Variants in CCDC77 observed in about 807,000 individuals in gnomAD.
The protein encoded by CCDC77 is coiled-coil domain-containing protein 77.
Under a neutral mutation model 66.8 loss-of-function variants are expected in CCDC77, and 56 were observed. That is an observed-to-expected ratio of 0.84 (90% CI 0.68 to 1.05). The LOEUF (loss-of-function observed/expected upper bound fraction) is 1.05, where lower values mean the gene tolerates loss of function less well. Ranked by LOEUF, CCDC77 falls within the 50% of genes least tolerant of loss-of-function variation. The pLI is 0.00. For missense variants in CCDC77, 570 were observed against 576.8 expected, an observed-to-expected ratio of 0.99 and a Z score of 0.12; for synonymous variants, 196 against 195.2, an observed-to-expected ratio of 1.00 and a Z score of -0.03.
intron 10 of CCDC77, 44 bp from the exon 11 acceptor site, chr12:440,573 T>C: frequency 6.2e-7 from 1 of 1,605,866 alleles, no homozygotes; most frequent in Non-Finnish European, 8.5e-7. Context: ...ATTACCTGAA[T>C]TGTAGAACTG....
chr12:412,880 C>T (rs1180670647), intron 4 of CCDC77, among the ~76,000 whole-genome samples: 1 of 152,180 alleles, frequency 6.6e-6, no homozygotes, highest in Non-Finnish European at 1.5e-5. Flanking sequence ...CTGCCATCTG[C>T]ACACCGTTAC....
At chr12:425,708 G>A (rs1257257182) in intron 5 of CCDC77, among the ~76,000 whole-genome samples, 2 of 152,062 alleles carry the variant, frequency 1.3e-5, no homozygotes, top group African/African-American at 4.8e-5. Flanking sequence ...CATGTGCTTC[G>A]TAAGGTTCAT....
At chr12:407,519 AG>A (rs1284431778) in intron 2 of CCDC77, among the ~76,000 whole-genome samples, 1 of 152,152 alleles carries the variant, frequency 6.6e-6, no homozygotes, top group African/African-American at 2.4e-5. Flanking sequence ...GTAAGGACTG[AG>A]GCATCAATTT....
chr12:399,258 G>A (rs1388747641), upstream of CCDC77, among the ~76,000 whole-genome samples: 3 of 151,468 alleles, frequency 2.0e-5, no homozygotes, highest in East Asian at 3.9e-4. Context: ...TGAAACCTCC[G>A]CCTCCCAGGT....
intron 2 of CCDC77, among the ~76,000 whole-genome samples, chr12:408,304 A>G (rs1400016514): frequency 6.6e-6 from 1 of 152,200 alleles, no homozygotes; most frequent in Non-Finnish European, 1.5e-5. Flanking sequence ...GTTTATCTTC[A>G]TGAAAATTTC....
chr12:394,831 A>G (rs1944805697), intron 1 of CCDC77, among the ~76,000 whole-genome samples: 1 of 152,234 alleles, frequency 6.6e-6, no homozygotes, highest in Admixed American at 6.5e-5. Context: ...TTATACATGC[A>G]TTCAACATTT....
chr12:391,409 C>T (rs779456760), intron 1 of CCDC77, among the ~76,000 whole-genome samples: 7 of 151,760 alleles, frequency 4.6e-5, no homozygotes, highest in Admixed American at 3.9e-4. Context: ...AAGCCGAGAT[C>T]GTGCCACTGT....
In CCDC77 at chr12:418,458, G is replaced by A. The variant is rs200889895; in HGVS notation, c.271-36G>A. The stretch of plus-strand genomic sequence containing the variant: ...GTGAGAGATACTCCATTGAAACCCA[G>A]TGTCTTTCAACTATCTTATTGTGGT... On this transcript the variant is annotated intron_variant, in intron 4 of 12. Coordinates refer to ENST00000239830, the MANE Select transcript of CCDC77 (RefSeq NM_032358.4). The A allele has an allele frequency of 1.1e-5, 17 of 1,600,814 alleles. No individual in the cohort carries two copies. The Admixed American group carries it at 2.8e-4, about 27-fold the overall frequency.
intron 4 of CCDC77, among the ~76,000 whole-genome samples, chr12:417,309 T>A (rs887113632): frequency 2.0e-5 from 3 of 152,150 alleles, no homozygotes; most frequent in Non-Finnish European, 4.4e-5. Context: ...TCATGGTTCT[T>A]ATTTACAGTT....
At chr12:434,327 C>T (rs1054565433) in intron 9 of CCDC77, among the ~76,000 whole-genome samples, 8 of 151,658 alleles carry the variant, frequency 5.3e-5, no homozygotes, top group Non-Finnish European at 1.2e-4. Context: ...GTTCTGGGGT[C>T]ACCATTGACC....
At chr12:435,560 T>G (rs1945735456) in intron 9 of CCDC77, among the ~76,000 whole-genome samples, 1 of 152,264 alleles carries the variant, frequency 6.6e-6, no homozygotes, top group Non-Finnish European at 1.5e-5. Flanking sequence ...AAAGCAAAGC[T>G]GTTTTTGATA....
At chr12:406,397 G>A (rs1944991407) in intron 2 of CCDC77, among the ~76,000 whole-genome samples, 1 of 152,220 alleles carries the variant, frequency 6.6e-6, no homozygotes. Context: ...CTCTGAAGTA[G>A]AAGTGTGCCT....
chr12:410,391 C>G (rs1026999521), intron 3 of CCDC77, among the ~76,000 whole-genome samples: 1 of 152,132 alleles, frequency 6.6e-6, no homozygotes, highest in Admixed American at 6.5e-5. Flanking sequence ...CCTCAGCCTC[C>G]CGAGTAGCTG....
intron 1 of CCDC77, among the ~76,000 whole-genome samples, chr12:404,843 C>A (rs1944963383): frequency 6.6e-6 from 1 of 151,576 alleles, no homozygotes; most frequent in Admixed American, 6.6e-5. Context: ...CTGCCTCAGT[C>A]TCCTGAGTAG....
At position 428,889 on chromosome 12, in the gene CCDC77, G is replaced by C. The variant is rs781282189; in HGVS notation, c.510+24G>C. 3 of 1,472,012 alleles carry C rather than the reference G, an allele frequency of 2.0e-6. No homozygotes were observed. The African/African-American group carries it at 4.2e-5, about 21-fold the overall frequency. 91.2% of individuals were successfully genotyped at this position (1,472,012 alleles called of 1,614,324 possible). A position where few individuals can be genotyped will look rare whatever the true frequency, so the allele number is the denominator to read the frequency against. On this transcript the variant is annotated intron_variant, in intron 6 of 12. Transcript: ENST00000239830. ...AAGTAAGTAATCTTTGGTGTAGCAT[G>C]GTGAGTGTGGCTTTACAAGTCACAG... is the stretch of plus-strand genomic sequence containing the variant.
At chr12:419,538 C>T (rs1317454602) in intron 5 of CCDC77, among the ~76,000 whole-genome samples, 1 of 49,706 alleles carries the variant, frequency 2.0e-5, no homozygotes, top group Non-Finnish European at 4.1e-5. Context: ...AGGGTAAACA[C>T]ACATAGCAGC....
rs143503142 is a variant in CCDC77 at position 425,444 on chromosome 12, C to T, written c.414-3325C>T. Among the ~76,000 whole-genome samples the T allele has an allele frequency of 4.7e-4, 72 of 151,968 alleles. 1 individual carries two copies. In the East Asian group the frequency reaches 6.8e-3, roughly 14 times the overall value. On this transcript the variant is annotated intron_variant, in intron 5 of 12. Coordinates refer to ENST00000239830, the MANE Select transcript of CCDC77 (RefSeq NM_032358.4). ...GTGCCACCACAGACACCATAGGATC[C>T]GCCAAATGATGTCCCAAGCAGCAGA... is the stretch of plus-strand genomic sequence containing the variant.
chr12:432,238 A>T (rs1298616435), intron 8 of CCDC77, among the ~76,000 whole-genome samples: 2 of 152,218 alleles, frequency 1.3e-5, no homozygotes, highest in African/African-American at 4.8e-5. Context: ...TGGCCTAGGG[A>T]TATGCAGAGA....
At chr12:428,477 C>G (rs529304671) in intron 5 of CCDC77, among the ~76,000 whole-genome samples, 1 of 127,932 alleles carries the variant, frequency 7.8e-6, no homozygotes, top group South Asian at 2.5e-4. Flanking sequence ...CACCATTGCA[C>G]TCCAGCCTGG....
Sources: allele counts gnomAD v4.1 joint callset (sites outside exome capture counted in the v4.1 genomes callset), GRCh38; gene constraint gnomAD v4.1.1; transcripts MANE v1.5; gene names NCBI Gene and HGNC (gene_info 2026-07-23, HGNC 2026-07-21).